Variants in FXYD7 observed in about 807,000 individuals in gnomAD.
FXYD7 encodes FXYD domain-containing ion transport regulator 7.
A neutral mutation model predicts 15.3 loss-of-function variants in FXYD7; 7 were observed. The observed-to-expected ratio is 0.46, with a 90% CI of 0.26 to 0.86. FXYD7 has a LOEUF of 0.86. Ranked by LOEUF, FXYD7 falls within the 40% of genes least tolerant of loss-of-function variation. FXYD7 has a pLI of 0.16. For missense variants in FXYD7, 78 were observed against 100.6 expected, an observed-to-expected ratio of 0.78 and a Z score of 0.96; for synonymous variants, 39 against 39.3, an observed-to-expected ratio of 0.99 and a Z score of 0.03.
At chr19:35,150,977 G>A (rs1294741362) in intron 2 of FXYD7, among the ~76,000 whole-genome samples, 2 of 152,070 alleles carry the variant, frequency 1.3e-5, no homozygotes, top group Non-Finnish European at 2.9e-5. Context: ...CAGGGAGGAG[G>A]TGGTAGAGGG....
At chr19:35,146,574 A>G (rs1244251241) in intron 1 of FXYD7, among the ~76,000 whole-genome samples, 2 of 152,226 alleles carry the variant, frequency 1.3e-5, no homozygotes, top group African/African-American at 2.4e-5. Context: ...AAGAGTTGCT[A>G]TGAAGATTAA....
chr19:35,148,816 A>G (rs1235271241), intron 2 of FXYD7, 93 bp downstream of exon 2: 1 of 1,142,540 alleles, frequency 8.8e-7, no homozygotes. Flanking sequence ...TGGCCACACG[A>G]TACGTGCTGG....
At chr19:35,144,286 TG>T (rs1019994558) in intron 1 of FXYD7, among the ~76,000 whole-genome samples, 6 of 151,964 alleles carry the variant, frequency 3.9e-5, no homozygotes, top group Non-Finnish European at 8.8e-5. Flanking sequence ...ATCCCAGAGG[TG>T]CTGTTGGGTA....
intron 2 of FXYD7, among the ~76,000 whole-genome samples, chr19:35,149,958 T>C (rs945855815): frequency 9.2e-5 from 14 of 152,074 alleles, no homozygotes; most frequent in African/African-American, 2.4e-5. Flanking sequence ...ACTCTGTGGC[T>C]CAGGCTGGAG....
Position 35,143,672 on chromosome 19 carries a change from C to T in FXYD7, c.31+308C>T, listed in dbSNP as rs940838836. Among the ~76,000 whole-genome samples, 1 of 142,294 alleles carries T rather than the reference C, an allele frequency of 7.0e-6. No individual in the cohort carries two copies. The highest frequency in any genetic ancestry group is 1.5e-5 in the Non-Finnish European group (1 of 64,628). 93.4% of individuals were successfully genotyped at this position (142,294 alleles called of 152,430 possible). A position where few individuals can be genotyped will look rare whatever the true frequency, so the allele number is the denominator to read the frequency against. On this transcript the variant is annotated intron_variant, in intron 1 of 5. Transcript: ENST00000270310. The surrounding 1 kb of genome is among the most constrained non-coding windows in gnomAD (Gnocchi z 4.3). ...GGTCCCGCACCGTGGTGGTAGCAGA[C>T]GGGGAAGAGATGAGCTTGCAGGGTG...
chr19:35,143,387 GTTGCA>G lies in FXYD7; in HGVS notation c.31+24_31+28del. Reference sequence around the variant, plus strand: ...AGGGTGAGCGTCGTTTGGGGAGGGGGTTGCAGGGGGGCTCCGGGATCTGAGAGCCT... The same window carrying G: ...AGGGTGAGCGTCGTTTGGGGAGGGGGGGGGGGCTCCGGGATCTGAGAGCCT... On this transcript the variant is annotated intron_variant, in intron 1 of 5. Coordinates refer to ENST00000270310, the MANE Select transcript of FXYD7 (RefSeq NM_022006.2). The surrounding 1 kb of genome is among the most constrained non-coding windows in gnomAD (Gnocchi z 4.3). 1 of 1,496,424 alleles carries G rather than the reference GTTGCA, an allele frequency of 6.7e-7. No individual in the cohort carries two copies. Among genetic ancestry groups the G allele is most frequent in the South Asian group, 1.3e-5 (1 of 79,102 alleles). 92.7% of individuals were successfully genotyped at this position (1,496,424 alleles called of 1,614,324 possible).
rs117474815 is a variant in FXYD7 at position 35,149,642 on chromosome 19, C to G, written c.61+919C>G. On this transcript the variant is annotated intron_variant, in intron 2 of 5. Coordinates refer to ENST00000270310, the MANE Select transcript of FXYD7 (RefSeq NM_022006.2). ...AACAAATACTTAGCGGGCACAGGCT[C>G]TATTTCTGGCAATGTTCCAAGCAGC... 5.6e-3 allele frequency: 858 copies of G among 153,620 alleles called. 2 individuals are homozygous for G. Among genetic ancestry groups the G allele is most frequent in the Non-Finnish European group, 9.2e-3 (633 of 68,938 alleles). The allele number at this position is 153,620 out of a possible 1,614,324, so 9.5% of individuals were successfully genotyped here. A position where few individuals can be genotyped will look rare whatever the true frequency, so the allele number is the denominator to read the frequency against.
chr19:35,150,873 G>A lies in FXYD7; in HGVS notation c.62-381G>A, dbSNP rs142560145. Among the ~76,000 whole-genome samples, 20 of 152,256 alleles carry A rather than the reference G, an allele frequency of 1.3e-4. No homozygotes were observed. The South Asian group carries it at 2.3e-3, about 17-fold the overall frequency. ...ACTCAAATGTTGATGGGTCCTTGTG[G>A]CTATCAGAGGTGGGAGTGCAGGCAG... On this transcript the variant is annotated intron_variant, in intron 2 of 5. Coordinates refer to ENST00000270310, the MANE Select transcript of FXYD7 (RefSeq NM_022006.2).
chr19:35,151,072 C>A (rs1034607511), intron 2 of FXYD7, among the ~76,000 whole-genome samples, 182 bp from the exon 3 acceptor site: 5 of 151,902 alleles, frequency 3.3e-5, no homozygotes, highest in African/African-American at 9.7e-5. Context: ...GCAAGGGGAG[C>A]TAACGGTGCC....
intron 2 of FXYD7, 113 bp from the exon 3 acceptor site, chr19:35,151,141 C>A: frequency 1.3e-6 from 1 of 778,472 alleles, no homozygotes; most frequent in Non-Finnish European, 2.4e-6. Flanking sequence ...GCACAGTCCA[C>A]AGCCTCCCTG....
In FXYD7 at chr19:35,153,865, A is replaced by G. The variant is rs754323959; in HGVS notation, c.221-29A>G. 6 of 1,611,502 alleles carry G rather than the reference A, an allele frequency of 3.7e-6. No homozygotes were observed. The Admixed American group carries it at 8.3e-5, about 22-fold the overall frequency. ...GGAGGGAGGCAGTTTCCACCTTTCTAGTGGCTCACGCACCCCCTCTCTCCC... is the reference window on the plus strand; with the variant it reads ...GGAGGGAGGCAGTTTCCACCTTTCTGGTGGCTCACGCACCCCCTCTCTCCC... On this transcript the variant is annotated intron_variant, in intron 5 of 5. Transcript: ENST00000270310.
chr19:35,150,251 G>T (rs1328624443), intron 2 of FXYD7, among the ~76,000 whole-genome samples: 1 of 152,124 alleles, frequency 6.6e-6, no homozygotes, highest in South Asian at 2.1e-4. Context: ...TTAAAAATTA[G>T]CTGGGCATGG....
At position 35,151,537 on chromosome 19, in the gene FXYD7, G is replaced by T; in HGVS notation, c.179+55G>T. The T allele has an allele frequency of 1.9e-6, 3 of 1,598,984 alleles. No homozygotes were observed. The South Asian group carries it at 3.3e-5, about 18-fold the overall frequency. On this transcript the variant is annotated intron_variant, in intron 4 of 5. Coordinates refer to ENST00000270310, the MANE Select transcript of FXYD7 (RefSeq NM_022006.2). Reference sequence around the variant, plus strand: ...GGGGCCTCGGGGTGCCTCCCTAGCAGATGGGCAGGATCCACTGGGCCTGCC... The same window carrying T: ...GGGGCCTCGGGGTGCCTCCCTAGCATATGGGCAGGATCCACTGGGCCTGCC...
At chr19:35,147,322 C>T (rs1271783537) in intron 1 of FXYD7, among the ~76,000 whole-genome samples, 1 of 152,188 alleles carries the variant, frequency 6.6e-6, no homozygotes, top group African/African-American at 2.4e-5. Context: ...AGGCATCACC[C>T]TGGCACCCCT....
At chr19:35,144,938 C>T (rs1390616183) in intron 1 of FXYD7, among the ~76,000 whole-genome samples, 2 of 151,630 alleles carry the variant, frequency 1.3e-5, no homozygotes, top group African/African-American at 4.9e-5. Flanking sequence ...TGTTGGGGAG[C>T]GAGGGGGGAA....
chr19:35,152,155 A>AAAAAAAAAAAAAAAATGGGG (rs2065313287), intron 5 of FXYD7, among the ~76,000 whole-genome samples: 1 of 140,244 alleles, frequency 7.1e-6, no homozygotes. Context: ...AAAAAAAAAA[A>AAAAAAAAAAAAAAAATGGGG]GAGGAAGGAA....
chr19:35,153,033 C>CTTTGTTTTTTT lies in FXYD7; in HGVS notation c.221-858_221-857insGTTTTTTTTTT, dbSNP rs1555737607. Among the ~76,000 whole-genome samples the CTTTGTTTTTTT allele has an allele frequency of 1.4e-3, 62 of 44,138 alleles. 13 individuals carry two copies. The highest frequency in any genetic ancestry group is 3.6e-3 in the African/African-American group (35 of 9,634). The allele number at this position is 44,138 out of a possible 152,430, so 29.0% of individuals were successfully genotyped here. On this transcript the variant is annotated intron_variant, in intron 5 of 5. Coordinates refer to ENST00000270310, the MANE Select transcript of FXYD7 (RefSeq NM_022006.2). ...TTGGTGTGGAATTTGTTTCACGTTC[C>CTTTGTTTTTTT]TTTTTTTTTTTTTTTTTTTTTTTTT...
chr19:35,145,361 G>A (rs552739626), intron 1 of FXYD7, among the ~76,000 whole-genome samples: 2 of 152,324 alleles, frequency 1.3e-5, no homozygotes, highest in Admixed American at 6.5e-5. Flanking sequence ...GGGCAGCAGG[G>A]ACCAGAGGAG....
intron 1 of FXYD7, among the ~76,000 whole-genome samples, chr19:35,145,376 T>G (rs1263826185): frequency 6.6e-6 from 1 of 152,214 alleles, no homozygotes; most frequent in African/African-American, 2.4e-5. Flanking sequence ...GAGGAGGATC[T>G]TCCGCATGGA....
Sources: gnomAD v4.1 joint callset for allele counts (sites outside exome capture counted in the v4.1 genomes callset) on GRCh38, gnomAD v4.1.1 for gene constraint, Gnocchi (gnomAD v3.1) non-coding constraint, MANE v1.5 for transcripts, NCBI Gene and HGNC (gene_info 2026-07-23, HGNC 2026-07-21) for gene names.